RAP1GAP2: variants seen among roughly 807,000 people sequenced by gnomAD.
RAP1GAP2 encodes the protein RAP1 GTPase activating protein 2, also known as rap1 GTPase-activating protein 2.
Under a neutral mutation model 95.0 loss-of-function variants are expected in RAP1GAP2, and 27 were observed. The observed-to-expected ratio is 0.28, with a 90% CI of 0.21 to 0.39. The LOEUF (loss-of-function observed/expected upper bound fraction) is 0.39, where lower values mean the gene tolerates loss of function less well. Among genes scored for constraint, RAP1GAP2 ranks in the 10% least tolerant of loss-of-function variants. RAP1GAP2 has a pLI of 1.00. For missense variants in RAP1GAP2, 771 were observed against 970.0 expected, an observed-to-expected ratio of 0.79 and a Z score of 2.72; for synonymous variants, 373 against 380.9, an observed-to-expected ratio of 0.98 and a Z score of 0.24.
chr17:2,936,393 C>T (rs1411402093), intron 3 of RAP1GAP2, among the ~76,000 whole-genome samples: 1 of 151,530 alleles, frequency 6.6e-6, no homozygotes, highest in East Asian at 2.0e-4. Flanking sequence ...CATGACCCTG[C>T]CAGGGGCTGT....
At chr17:2,832,580 T>TA (rs925095221) in intron 2 of RAP1GAP2, among the ~76,000 whole-genome samples, 7 of 134,526 alleles carry the variant, frequency 5.2e-5, no homozygotes, top group Admixed American at 1.5e-4. Flanking sequence ...AAAAAAAAGA[T>TA]AAAGTCTCCT....
rs543290139 is a variant in RAP1GAP2 at position 2,768,942 on chromosome 17, C to CCTTCTCCTGCTGTGAA, written c.51-1387_51-1386insCTTCTCCTGCTGTGAA. Among the ~76,000 whole-genome samples, 681 of 151,900 alleles carry CCTTCTCCTGCTGTGAA rather than the reference C, an allele frequency of 4.5e-3. 3 individuals carry two copies. The highest frequency in any genetic ancestry group is 0.015 in the African/African-American group (630 of 41,436). ...TCTCCTGCTGTGAAATCAAGAAGTC[C>CCTTCTCCTGCTGTGAA]ATGGCTAGGCTCAGTGGTGCACTCC... On this transcript the variant is annotated intron_variant, in intron 1 of 25. Coordinates refer to the RAP1GAP2 transcript ENST00000637138.
At chr17:2,767,042 C>T (rs2068288477) in intron 1 of RAP1GAP2, among the ~76,000 whole-genome samples, 1 of 151,734 alleles carries the variant, frequency 6.6e-6, no homozygotes, top group Non-Finnish European at 1.5e-5. Flanking sequence ...CAGGCAGGCA[C>T]CCCTCCAGTC....
Position 2,870,567 on chromosome 17 carries a change from AT to A in RAP1GAP2, c.81-34709del, listed in dbSNP as rs1007192129. ...GACTGTAGAGATATTAACGTTTAAT[AT>A]TTTTTTTGTGGTCTTTTTTTTCTAT... is the stretch of plus-strand genomic sequence containing the variant. On this transcript the variant is annotated intron_variant, in intron 2 of 24. Transcript: ENST00000254695. The surrounding 1 kb of genome is among the most constrained non-coding windows in gnomAD (Gnocchi z 4.4). Among the ~76,000 whole-genome samples, 6 of 152,076 alleles carry A rather than the reference AT, an allele frequency of 3.9e-5. No individual in the cohort carries two copies. The highest frequency in any genetic ancestry group is 1.9e-4 in the East Asian group (1 of 5,196).
intron 3 of RAP1GAP2, among the ~76,000 whole-genome samples, chr17:2,907,347 C>G (rs976382388): frequency 1.3e-5 from 2 of 152,176 alleles, no homozygotes; most frequent in Non-Finnish European, 2.9e-5. Context: ...CACAGCTTTC[C>G]GCCACATGTG....
chr17:2,785,727 C>T (rs2068756120), intron 1 of RAP1GAP2, among the ~76,000 whole-genome samples: 1 of 152,022 alleles, frequency 6.6e-6, no homozygotes, highest in African/African-American at 2.4e-5. Flanking sequence ...CCGATGCTCC[C>T]GGCCGAATAA....
chr17:2,758,266 C>T (rs2071185984), intron 1 of RAP1GAP2, among the ~76,000 whole-genome samples: 1 of 142,240 alleles, frequency 7.0e-6, no homozygotes, highest in South Asian at 2.4e-4. Context: ...ACCTGTGCCT[C>T]CTGGGTTCAA....
intron 2 of RAP1GAP2, among the ~76,000 whole-genome samples, chr17:2,885,232 C>A (rs1479414148): frequency 6.6e-6 from 1 of 152,068 alleles, no homozygotes; most frequent in Non-Finnish European, 1.5e-5. Context: ...TGGGGTTTCC[C>A]CATGTTGGCC....
At chr17:2,927,781 A>C (rs1406648805) in intron 3 of RAP1GAP2, among the ~76,000 whole-genome samples, 1 of 152,162 alleles carries the variant, frequency 6.6e-6, no homozygotes, top group Admixed American at 6.5e-5. Flanking sequence ...TGCTTCCTAG[A>C]GGAAACGCTA....
intron 12 of RAP1GAP2, among the ~76,000 whole-genome samples, chr17:2,993,954 G>A (rs1419746328): frequency 6.6e-6 from 1 of 152,184 alleles, no homozygotes; most frequent in Admixed American, 6.5e-5. Flanking sequence ...CTGAGGCGAG[G>A]AGGATCGCTT....
At chr17:2,945,978 A>G (rs2043684742) in intron 3 of RAP1GAP2, among the ~76,000 whole-genome samples, 1 of 151,838 alleles carries the variant, frequency 6.6e-6, no homozygotes, top group Non-Finnish European at 1.5e-5. Context: ...TTTAGTAGAG[A>G]CGGGCTTTCA....
chr17:2,914,374 T>A lies in RAP1GAP2; in HGVS notation c.165+9006T>A, dbSNP rs1423354335. On this transcript the variant is annotated intron_variant, in intron 3 of 24. Coordinates refer to ENST00000254695, the MANE Select transcript of RAP1GAP2 (RefSeq NM_015085.5). ...TTTTCTCATGACTAATGATGTTGAATATTTTTCATATGCTTATTGACTATT... is the reference window on the plus strand; with the variant it reads ...TTTTCTCATGACTAATGATGTTGAAAATTTTTCATATGCTTATTGACTATT... Among the ~76,000 whole-genome samples, 3 of 152,238 alleles carry A rather than the reference T, an allele frequency of 2.0e-5. No homozygotes were observed. The East Asian group carries it at 5.8e-4, about 29-fold the overall frequency.
chr17:2,767,574 CT>C (rs1194318787), intron 1 of RAP1GAP2, among the ~76,000 whole-genome samples: 1 of 146,232 alleles, frequency 6.8e-6, no homozygotes, highest in Non-Finnish European at 1.5e-5. Context: ...TCCCTGCCCC[CT>C]TTTTAATGTC....
chr17:2,966,888 C>T (rs528996508), intron 8 of RAP1GAP2, among the ~76,000 whole-genome samples: 44 of 152,288 alleles, frequency 2.9e-4, no homozygotes, highest in African/African-American at 1.0e-3. Context: ...GATCTAACCC[C>T]CTTTTTCTAA....
At chr17:3,014,388 T>A (rs1002133042) in intron 17 of RAP1GAP2, among the ~76,000 whole-genome samples, 2 of 152,144 alleles carry the variant, frequency 1.3e-5, no homozygotes, top group African/African-American at 2.4e-5. Context: ...AGTATTAGAA[T>A]CTTAATAGGA....
At chr17:2,868,509 A>G (rs1040119829) in intron 2 of RAP1GAP2, among the ~76,000 whole-genome samples, 4 of 140,406 alleles carry the variant, frequency 2.8e-5, no homozygotes, top group South Asian at 4.5e-4. Context: ...TTCCTCTACC[A>G]GGTGCAATTT....
intron 20 of RAP1GAP2, 97 bp downstream of exon 20, chr17:3,026,218 C>A (rs1211807217): frequency 1.5e-6 from 2 of 1,294,790 alleles, no homozygotes; most frequent in Non-Finnish European, 2.2e-6. Flanking sequence ...CATCTCCTGC[C>A]TCTGGAACTC....
chr17:2,915,315 C>T (rs1000146104), intron 3 of RAP1GAP2, among the ~76,000 whole-genome samples: 4 of 151,938 alleles, frequency 2.6e-5, no homozygotes, highest in Non-Finnish European at 4.4e-5. Context: ...ACTGCAGCCT[C>T]AACCTCCTGG....
At chr17:2,837,897 C>G (rs2051752111) in intron 2 of RAP1GAP2, among the ~76,000 whole-genome samples, 1 of 150,932 alleles carries the variant, frequency 6.6e-6, no homozygotes, top group South Asian at 2.1e-4. Context: ...TGAGCCACCG[C>G]ACCCGGTCTC....
Sources: gnomAD v4.1 joint callset for allele counts (sites outside exome capture counted in the v4.1 genomes callset) on GRCh38, gnomAD v4.1.1 for gene constraint, Gnocchi (gnomAD v3.1) non-coding constraint, MANE v1.5 for transcripts, NCBI Gene and HGNC (gene_info 2026-07-23, HGNC 2026-07-21) for gene names.